The following METTL15 variants were observed in gnomAD, a reference collection of about 807,000 sequenced individuals.
METTL15 encodes 12S rRNA N(4)-cytidine methyltransferase METTL15.
A neutral mutation model predicts 38.3 loss-of-function variants in METTL15; 34 were observed. That is an observed-to-expected ratio of 0.89 (90% confidence interval 0.68 to 1.18). METTL15 has a LOEUF of 1.18. METTL15 is among the 50% of genes most tolerant of loss of function. The pLI, the probability that METTL15 is intolerant of heterozygous loss-of-function variation, is 0.00. For missense variants in METTL15, 438 were observed against 498.4 expected, an observed-to-expected ratio of 0.88 and a Z score of 1.15; for synonymous variants, 162 against 170.9, an observed-to-expected ratio of 0.95 and a Z score of 0.41.
chr11:28,158,083 A>G (rs1459436703), intron 3 of METTL15, among the ~76,000 whole-genome samples: 1 of 152,172 alleles, frequency 6.6e-6, no homozygotes, highest in Admixed American at 6.5e-5. Context: ...GGCTGTAGCC[A>G]GTGGCTTGGC....
chr11:28,187,996 T>C (rs1186344197), intron 3 of METTL15, among the ~76,000 whole-genome samples: 1 of 151,370 alleles, frequency 6.6e-6, no homozygotes, highest in African/African-American at 2.4e-5. Context: ...CTTTTGGACA[T>C]GTTTCACCAC....
At chr11:28,221,415 G>C (rs538576555) in intron 4 of METTL15, among the ~76,000 whole-genome samples, 1 of 152,192 alleles carries the variant, frequency 6.6e-6, no homozygotes, top group Non-Finnish European at 1.5e-5. Flanking sequence ...GCTCCATCAG[G>C]TTCTTTAAGG....
At chr11:28,204,666 A>T (rs1852248704) in intron 3 of METTL15, among the ~76,000 whole-genome samples, 1 of 151,752 alleles carries the variant, frequency 6.6e-6, no homozygotes, top group African/African-American at 2.4e-5. Flanking sequence ...GCCACTTACT[A>T]GTTTAGTGCA....
intron 4 of METTL15, among the ~76,000 whole-genome samples, chr11:28,356,290 C>G (rs11030289): frequency 3.9e-4 from 59 of 152,270 alleles, no homozygotes; most frequent in African/African-American, 1.4e-3. Flanking sequence ...ATTTCAAGAT[C>G]TTTGAGTTAA....
chr11:28,300,409 C>T (rs1856872543), intron 6 of METTL15, among the ~76,000 whole-genome samples: 1 of 152,132 alleles, frequency 6.6e-6, no homozygotes, highest in South Asian at 2.1e-4. Flanking sequence ...CACTTGGAAT[C>T]ACACGCTCAG....
At chr11:28,147,004 A>T (rs1384604054) in intron 3 of METTL15, among the ~76,000 whole-genome samples, 1 of 151,982 alleles carries the variant, frequency 6.6e-6, no homozygotes, top group Admixed American at 6.6e-5. Context: ...AATAAACAAA[A>T]GTAAATCAAG....
At chr11:28,381,872 G>C (rs1410025328) in intron 5 of METTL15, among the ~76,000 whole-genome samples, 1 of 150,298 alleles carries the variant, frequency 6.7e-6, no homozygotes, top group African/African-American at 2.4e-5. Context: ...CTGTATCTTT[G>C]CTTTGTCCAC....
intron 4 of METTL15, among the ~76,000 whole-genome samples, chr11:28,355,173 C>A (rs910508680): frequency 2.6e-5 from 4 of 152,208 alleles, no homozygotes; most frequent in African/African-American, 9.7e-5. Context: ...TTTATCCCAA[C>A]TTGTATTAAC....
intron 4 of METTL15, among the ~76,000 whole-genome samples, chr11:28,212,467 T>A (rs1020912379): frequency 1.3e-5 from 2 of 152,162 alleles, no homozygotes; most frequent in Non-Finnish European, 2.9e-5. Context: ...GATGTGAACA[T>A]TCATGAAGTA....
exon 8 of METTL15, chr11:28,527,025 A>G (rs1223055395): frequency 2.0e-5 from 3 of 152,210 alleles, no homozygotes; most frequent in African/African-American, 7.2e-5. Context: ...ACACAATAAA[A>G]TACTATCCTT....
chr11:28,513,339 G>T (rs1352621973), intron 6 of METTL15, among the ~76,000 whole-genome samples: 1 of 152,154 alleles, frequency 6.6e-6, no homozygotes, highest in East Asian at 1.9e-4. Context: ...TGCCTTTGCT[G>T]TACCACTTAC....
At chr11:28,372,274 T>A (rs1007500554) in intron 5 of METTL15, among the ~76,000 whole-genome samples, 8 of 152,072 alleles carry the variant, frequency 5.3e-5, no homozygotes, top group African/African-American at 1.9e-4. Flanking sequence ...TGATGTATTA[T>A]GTTAATTGAT....
At chr11:28,202,349 C>T (rs375631706) in intron 3 of METTL15, among the ~76,000 whole-genome samples, 6 of 152,004 alleles carry the variant, frequency 3.9e-5, no homozygotes, top group African/African-American at 1.4e-4. Context: ...TGAATTGTAC[C>T]CTCCTCCAGT....
chr11:28,188,512 T>A (rs1851588537), intron 3 of METTL15, among the ~76,000 whole-genome samples: 1 of 151,298 alleles, frequency 6.6e-6, no homozygotes. Flanking sequence ...TGTCCAAATG[T>A]TTACTTACTA....
chr11:28,507,026 T>A (rs915560817), intron 6 of METTL15, among the ~76,000 whole-genome samples: 7 of 152,194 alleles, frequency 4.6e-5, no homozygotes, highest in African/African-American at 1.7e-4. Flanking sequence ...ATTATAGGCC[T>A]GAGCCCACTG....
Position 28,348,925 on chromosome 11 carries a change from A to G in METTL15, c.*190-3165A>G, listed in dbSNP as rs749658139. Among the ~76,000 whole-genome samples the G allele has an allele frequency of 3.3e-5, 5 of 152,120 alleles. No homozygotes were observed. In the South Asian group the frequency reaches 8.3e-4, roughly 25 times the overall value. ...ATGAAAGGTGTTCCAGGCTCATCAC[A>G]TTCTCAGCCTCAGCCCTGGATTCAG... is the stretch of plus-strand genomic sequence containing the variant. On this transcript the variant is annotated intron_variant and NMD_transcript_variant, in intron 3 of 7. Coordinates refer to the METTL15 transcript ENST00000532947.
rs1274299740 is a variant in METTL15, at chr11:28,211,180, A to G, written c.389A>G (p.His130Arg). The stretch of plus-strand genomic sequence containing the variant: ...CCAACAGCTTATGCATTAGCTGAAC[A>G]TCTTTCAGAGTTGTATCCGTAAGTA... The part of the protein sequence containing the change: ...RDPTAYALAE[H>R]LSELYPKQIR... The change falls in exon 4 of 7, where the codon CAT becomes CGT. Residue 130 changes from histidine (H) to arginine (R), a missense_variant. Physicochemically the swap from His to Arg is conservative, Grantham distance 29 (BLOSUM62 0). Transcript: ENST00000407364. 3.7e-6 allele frequency: 6 copies of G among 1,609,448 alleles called. No homozygotes were observed. Among genetic ancestry groups the G allele is most frequent in the Non-Finnish European group, 5.1e-6 (6 of 1,178,090 alleles).
intron 5 of METTL15, among the ~76,000 whole-genome samples, chr11:28,292,606 T>TAC (rs1419601493): frequency 6.6e-6 from 1 of 152,192 alleles, no homozygotes; most frequent in Non-Finnish European, 1.5e-5. Context: ...ATGGTATTTG[T>TAC]AGTTCTAGAT....
intron 3 of METTL15, among the ~76,000 whole-genome samples, chr11:28,117,890 T>C (rs1018656741): frequency 1.3e-5 from 2 of 152,190 alleles, no homozygotes; most frequent in South Asian, 4.1e-4. Context: ...CCAAAATCAT[T>C]TTCCTTTTCA....
Sources: allele counts gnomAD v4.1 joint callset (sites outside exome capture counted in the v4.1 genomes callset), GRCh38; gene constraint gnomAD v4.1.1; transcripts MANE v1.5; gene names NCBI Gene and HGNC (gene_info 2026-07-23, HGNC 2026-07-21).